The following PLA2G6 variants were observed in gnomAD, a reference collection of about 807,000 sequenced individuals.
The protein encoded by PLA2G6 is phospholipase A2 group VI, also known as 85/88 kDa calcium-independent phospholipase A2.
A neutral mutation model predicts 83.8 loss-of-function variants in PLA2G6; 62 were observed. The ratio of observed to expected loss-of-function variants is 0.74; its 90% CI spans 0.60 to 0.91. PLA2G6 has a LOEUF of 0.91. Among genes scored for constraint, PLA2G6 ranks in the 40% least tolerant of loss-of-function variants. PLA2G6 has a pLI of 0.00. For synonymous variants in PLA2G6, 417 were observed against 449.8 expected (o/e 0.93, Z 0.92); for missense variants, 944 against 1,102.0 (o/e 0.86, Z 2.03).
rs530351387 is a variant in PLA2G6 at position 38,112,204 on chromosome 22, C to T, written c.2378G>A (p.Arg793His). 4 of 1,607,074 alleles carry T rather than the reference C, an allele frequency of 2.5e-6. No homozygotes were observed. The highest frequency in any genetic ancestry group is 1.1e-5 in the South Asian group (1 of 89,680). Residue 793 changes from arginine (R) to histidine (H), a missense_variant, in exon 17 of 17, where the codon CGC (arginine) becomes CAC (histidine). Transcript: ENST00000332509. ...CTGGATGAGCTTCTGGAACTCCTCGCGGTGCTCATAGATGTAGACCTCGGT... is the reference window on the plus strand; with the variant it reads ...CTGGATGAGCTTCTGGAACTCCTCGTGGTGCTCATAGATGTAGACCTCGGT... ...WETEVYIYEHREEFQKLIQLL... is the reference protein window; with the variant it reads ...WETEVYIYEHHEEFQKLIQLL...
chr22:38,112,862 T>G lies in PLA2G6; in HGVS notation c.2203-285A>C, dbSNP rs980490834. ...TGAGTCGACAGGCCTCCATGTCCCC[T>G]CTCCCTGAAGTTTCCCTCCCTCCCT... On this transcript the variant is annotated intron_variant, in intron 15 of 16. Transcript: ENST00000332509. 27 of 570,382 alleles carry G rather than the reference T, an allele frequency of 4.7e-5. No homozygotes were observed. In the Admixed American group the frequency reaches 6.1e-4, roughly 13 times the overall value. The allele number at this position is 570,382 out of a possible 1,614,324, so 35.3% of individuals were successfully genotyped here.
At chr22:38,178,111 C>G (rs533542540) in intron 1 of PLA2G6, among the ~76,000 whole-genome samples, 1 of 152,246 alleles carries the variant, frequency 6.6e-6, no homozygotes, top group Non-Finnish European at 1.5e-5. Context: ...CAAACTGCCC[C>G]GAAACTGTCA....
chr22:38,150,802 G>T (rs896838872), intron 2 of PLA2G6, among the ~76,000 whole-genome samples: 1 of 152,170 alleles, frequency 6.6e-6, no homozygotes, highest in Non-Finnish European at 1.5e-5. Flanking sequence ...GAAAATAAAT[G>T]CTGGCCAGGC....
intron 2 of PLA2G6, among the ~76,000 whole-genome samples, chr22:38,159,353 C>T (rs530342054): frequency 2.0e-5 from 3 of 152,238 alleles, no homozygotes; most frequent in Non-Finnish European, 2.9e-5. Flanking sequence ...TTAAAGAAAT[C>T]GAATCCATGT....
intron 2 of PLA2G6, among the ~76,000 whole-genome samples, chr22:38,168,765 G>A (rs1461548775): frequency 1.3e-5 from 2 of 152,260 alleles, no homozygotes; most frequent in East Asian, 1.9e-4. Context: ...CAGGAGAATC[G>A]CTTGAACCTG....
chr22:38,154,129 C>T (rs2089683740), intron 2 of PLA2G6, among the ~76,000 whole-genome samples: 2 of 152,236 alleles, frequency 1.3e-5, no homozygotes, highest in Admixed American at 6.5e-5. Flanking sequence ...GGCCCTGCCT[C>T]CCAGATGGCA....
At chr22:38,145,679 G>T (rs757765468) in intron 2 of PLA2G6, 26 bp from the exon 3 acceptor site, 8 of 1,525,472 alleles carry the variant, frequency 5.2e-6, no homozygotes, top group Non-Finnish European at 4.5e-6. Flanking sequence ...AGAGGAGCAA[G>T]ACCCGAAATG....
Position 38,169,325 on chromosome 22 carries a change from C to T in PLA2G6, c.102G>A (p.Ser34=), listed in dbSNP as rs763513493. ...GCCCTTCCTCCCGAACTCGGTCACT[C>T]GAGGTGTAGTCGGCCACAGCCACCT... ...VKEVAVADYT[S]SDRVREEGQL... Residue 34 remains serine (S), a synonymous_variant, in exon 2 of 17, where the codon TCG becomes TCA. Coordinates refer to ENST00000332509, the MANE Select transcript of PLA2G6 (RefSeq NM_003560.4). 1.1e-5 allele frequency: 17 copies of T among 1,614,056 alleles called. No individual in the cohort carries two copies. The highest frequency in any genetic ancestry group is 1.1e-5 in the Non-Finnish European group (13 of 1,180,028).
intron 11 of PLA2G6, among the ~76,000 whole-genome samples, chr22:38,121,605 C>G (rs543280676): frequency 1.3e-5 from 2 of 152,266 alleles, no homozygotes; most frequent in Admixed American, 6.5e-5. Context: ...GCAGTGAGTT[C>G]CCCAGGGCCA....
At chr22:38,119,509 G>C (rs370716800) in intron 12 of PLA2G6, among the ~76,000 whole-genome samples, 3 of 152,286 alleles carry the variant, frequency 2.0e-5, no homozygotes, top group East Asian at 1.9e-4. Flanking sequence ...GTGCTGCTTG[G>C]GGGCAGCAAA....
At chr22:38,165,722 CA>C (rs542494525) in intron 2 of PLA2G6, among the ~76,000 whole-genome samples, 1 of 151,442 alleles carries the variant, frequency 6.6e-6, no homozygotes, top group Non-Finnish European at 1.5e-5. Context: ...ACTAAAAATA[CA>C]AAAAAAATTA....
Position 38,126,437 on chromosome 22 carries a change from A to C in PLA2G6, c.1361T>G (p.Leu454Arg). The C allele has an allele frequency of 6.2e-7, 1 of 1,613,288 alleles. No individual in the cohort carries two copies. Among genetic ancestry groups the C allele is most frequent in the Non-Finnish European group, 8.5e-7 (1 of 1,179,770 alleles). The change falls in exon 10 of 17, where the codon CTC (leucine) becomes CGC (arginine). Residue 454 changes from leucine (L) to arginine (R), a missense_variant. Physicochemically the swap from Leu to Arg is moderately radical, Grantham distance 102 (BLOSUM62 -2). Transcript: ENST00000332509. ...ISLNNLELQD[L>R]MHISRARKPA... ...CTTCCGGGCCCGTGAGATGTGCATG[A>C]GATCCTGTAGTTCTGTGAGGCACAG...
Position 38,143,139 on chromosome 22 carries a change from T to A in PLA2G6, c.575A>T (p.Tyr192Phe). 6.2e-7 allele frequency: 1 copy of A among 1,614,208 alleles called. No individual in the cohort carries two copies. The highest frequency in any genetic ancestry group is 8.5e-7 in the Non-Finnish European group (1 of 1,180,036). ...TDYKGETVFH[Y>F]AVQGDNSQVL... ...CTGAGAATTGTCACCCTGGACAGCATAATGGAAGACGGTCTCTCCCTTGTA... is the reference window on the plus strand; with the variant it reads ...CTGAGAATTGTCACCCTGGACAGCAAAATGGAAGACGGTCTCTCCCTTGTA... Residue 192 changes from tyrosine (Y) to phenylalanine (F), a missense_variant, in exon 4 of 17, where the codon TAT (tyrosine) becomes TTT (phenylalanine). Transcript: ENST00000332509.
rs371547209 is a variant in PLA2G6, at chr22:38,146,153, A to C, written c.210-500T>G. ...CGGGTTCAAGCAATTCTCCTACCTC[A>C]GTCTCCAGAGTAGCTGGGATTAAAG... is the stretch of plus-strand genomic sequence containing the variant. On this transcript the variant is annotated intron_variant, in intron 2 of 16. Transcript: ENST00000332509. The C allele has an allele frequency of 3.5e-4, 67 of 193,184 alleles. 1 individual carries two copies. In the South Asian group the frequency reaches 6.0e-3, roughly 17 times the overall value. 12.0% of individuals were successfully genotyped at this position (193,184 alleles called of 1,614,324 possible).
In PLA2G6 at chr22:38,113,541, C is replaced by T. The variant is rs1321927248; in HGVS notation, c.2148G>A (p.Glu716=). ...TGGCCCCAAAAACAGTCTTGGCCAG[C>T]TCCCAGGGGTTGCTGGGACGGAAGA... The part of the protein sequence containing the change: ...VDVFRPSNPW[E]LAKTVFGAKE... Residue 716 remains glutamate, a synonymous_variant, in exon 15 of 17, where the codon GAG becomes GAA. Coordinates refer to ENST00000332509, the MANE Select transcript of PLA2G6 (RefSeq NM_003560.4). The T allele has an allele frequency of 6.2e-7, 1 of 1,613,934 alleles. No homozygotes were observed. Among genetic ancestry groups the T allele is most frequent in the African/African-American group, 1.3e-5 (1 of 74,924 alleles).
chr22:38,128,317 A>C lies in PLA2G6; in HGVS notation c.1300T>G (p.Phe434Val). 6.2e-7 allele frequency: 1 copy of C among 1,613,218 alleles called. No individual in the cohort carries two copies. The highest frequency in any genetic ancestry group is 8.5e-7 in the Non-Finnish European group (1 of 1,179,988). ...EQGSAAPHHP[F>V]SLERAQPPPI... is the part of the protein sequence containing the mutation. ...GGGGGCTGAGCTCTTTCCAGGGAGA[A>C]GGGATGATGTGGCGCTGCAGAGCCC... The change falls in exon 9 of 17, where the codon TTC (phenylalanine) becomes GTC (valine). Residue 434 changes from phenylalanine to valine, a missense_variant. Coordinates refer to ENST00000332509, the MANE Select transcript of PLA2G6 (RefSeq NM_003560.4). This position sits in a 1 kb window ranked among gnomAD's most constrained non-coding sequence, Gnocchi z 4.4.
chr22:38,115,428 C>A, intron 14 of PLA2G6, 99 bp downstream of exon 14: 2 of 1,114,240 alleles, frequency 1.8e-6, no homozygotes, highest in Non-Finnish European at 1.3e-6. Context: ...TGTGTAAAAG[C>A]CACCTGCTGT....
chr22:38,112,429 G>A lies in PLA2G6; in HGVS notation c.2276+75C>T, dbSNP rs1569238980. On this transcript the variant is annotated intron_variant, in intron 16 of 16. Coordinates refer to ENST00000332509, the MANE Select transcript of PLA2G6 (RefSeq NM_003560.4). The stretch of plus-strand genomic sequence containing the variant: ...TTGGGGAAGGGAAAGTCCACACTAG[G>A]GCTGGGAGGGGAAGGTCGGTGAGTC... The A allele has an allele frequency of 5.3e-6, 8 of 1,504,218 alleles. No individual in the cohort carries two copies. In the South Asian group the frequency reaches 9.5e-5, roughly 18 times the overall value. 93.2% of individuals were successfully genotyped at this position (1,504,218 alleles called of 1,614,324 possible). A position where few individuals can be genotyped will look rare whatever the true frequency, so the allele number is the denominator to read the frequency against.
At chr22:38,148,859 C>CTTTTTTTTTTTTTTTTTT (rs200966258) in intron 2 of PLA2G6, 1 of 149,764 alleles carries the variant, frequency 6.7e-6, no homozygotes, top group Non-Finnish European at 1.3e-5. Context: ...TAGATTATTT[C>CTTTTTTTTTTTTTTTTTT]TTTTTTTTTT....
Sources: gnomAD v4.1 joint callset for allele counts (sites outside exome capture counted in the v4.1 genomes callset) on GRCh38, gnomAD v4.1.1 for gene constraint, Gnocchi (gnomAD v3.1) non-coding constraint, MANE v1.5 for transcripts, NCBI Gene and HGNC (gene_info 2026-07-23, HGNC 2026-07-21) for gene names.